NT5DC1: variants seen among roughly 807,000 people sequenced by gnomAD.
NT5DC1 encodes the protein 5'-nucleotidase domain-containing protein 1.
In NT5DC1, 42 loss-of-function variants were observed where a neutral mutation model predicts 59.4. The ratio of observed to expected loss-of-function variants is 0.71; its 90% CI spans 0.55 to 0.92. The LOEUF (loss-of-function observed/expected upper bound fraction) is 0.92. NT5DC1 is among the 40% of genes least tolerant of loss of function. NT5DC1 has a pLI of 0.00. For synonymous variants in NT5DC1, 172 were observed against 188.1 expected, an observed-to-expected ratio of 0.91 and a Z score of 0.70; for missense variants, 501 against 537.1, an observed-to-expected ratio of 0.93 and a Z score of 0.66.
At chr6:116,124,164 T>C (rs1455796878) in intron 6 of NT5DC1, among the ~76,000 whole-genome samples, 1 of 152,160 alleles carries the variant, frequency 6.6e-6, no homozygotes, top group African/African-American at 2.4e-5. Flanking sequence ...TATTTTAAAT[T>C]CCATCTTTCT....
At chr6:116,114,531 G>C (rs1037782835) in intron 4 of NT5DC1, among the ~76,000 whole-genome samples, 3 of 93,214 alleles carry the variant, frequency 3.2e-5, no homozygotes, top group Non-Finnish European at 6.7e-5. Context: ...TTGCAAATTG[G>C]GGGGAGGGGG....
At chr6:116,130,195 G>A (rs2114327112) in intron 6 of NT5DC1, among the ~76,000 whole-genome samples, 1 of 152,264 alleles carries the variant, frequency 6.6e-6, no homozygotes, top group Non-Finnish European at 1.5e-5. Flanking sequence ...AGTACAGTGT[G>A]TATAGAAAAA....
intron 6 of NT5DC1, among the ~76,000 whole-genome samples, chr6:116,205,663 G>A (rs1005492256): frequency 3.3e-5 from 5 of 151,914 alleles, no homozygotes; most frequent in African/African-American, 1.2e-4. Flanking sequence ...AGCTGTTTGT[G>A]TAGTTTCCGT....
chr6:116,112,102 C>T (rs476330), intron 4 of NT5DC1, among the ~76,000 whole-genome samples: 83,006 of 152,034 alleles, frequency 0.55, 23,604 homozygotes, highest in East Asian at 0.77. Context: ...CCCACTGTTT[C>T]GCCCACTAGA....
chr6:116,186,161 G>C (rs758165724), intron 6 of NT5DC1, among the ~76,000 whole-genome samples: 14 of 151,794 alleles, frequency 9.2e-5, no homozygotes, highest in Non-Finnish European at 1.9e-4. Context: ...ATTCTTATAT[G>C]ATAATTATTT....
intron 6 of NT5DC1, chr6:116,158,595 A>G (rs1467186579): frequency 6.6e-6 from 1 of 152,132 alleles, no homozygotes; most frequent in Non-Finnish European, 1.5e-5. Flanking sequence ...CTATTGTCAC[A>G]CGTTTGAATT....
intron 6 of NT5DC1, chr6:116,125,297 C>T (rs770693989): frequency 1.2e-6 from 2 of 1,600,398 alleles, no homozygotes; most frequent in Admixed American, 3.4e-5. Context: ...TAGAAAGCAA[C>T]AAGCAACTTG....
At chr6:116,213,333 C>A (rs1781620077) in intron 6 of NT5DC1, among the ~76,000 whole-genome samples, 1 of 152,062 alleles carries the variant, frequency 6.6e-6, no homozygotes, top group Non-Finnish European at 1.5e-5. Context: ...GGAGCACCTA[C>A]AACACAAATT....
At chr6:116,171,209 T>C (rs1478061222) in intron 6 of NT5DC1, among the ~76,000 whole-genome samples, 2 of 152,224 alleles carry the variant, frequency 1.3e-5, no homozygotes, top group Non-Finnish European at 2.9e-5. Context: ...CACTACCTTT[T>C]ACATATTTTA....
intron 6 of NT5DC1, among the ~76,000 whole-genome samples, chr6:116,143,435 A>G (rs962482498): frequency 6.6e-6 from 1 of 151,990 alleles, no homozygotes; most frequent in African/African-American, 2.4e-5. Flanking sequence ...GATGGTCTTG[A>G]TCTCTTAACC....
At chr6:116,189,844 A>G (rs77499232) in intron 6 of NT5DC1, among the ~76,000 whole-genome samples, 2,018 of 152,140 alleles carry the variant, frequency 0.013, 40 homozygotes, top group African/African-American at 0.044. Context: ...GTTACAGCTA[A>G]ATGCTTCCGT....
chr6:116,126,579 A>G (rs1157907681), intron 6 of NT5DC1, among the ~76,000 whole-genome samples: 1 of 152,176 alleles, frequency 6.6e-6, no homozygotes, highest in African/African-American at 2.4e-5. Flanking sequence ...AAAGTTATCA[A>G]TGTGTCTATT....
chr6:116,170,322 A>G (rs1780576899), intron 6 of NT5DC1, among the ~76,000 whole-genome samples: 1 of 152,112 alleles, frequency 6.6e-6, no homozygotes, highest in Non-Finnish European at 1.5e-5. Context: ...TTTTAATTCA[A>G]AAGAAAGGGT....
chr6:116,159,836 T>C (rs1329324644), intron 6 of NT5DC1, among the ~76,000 whole-genome samples: 4 of 152,116 alleles, frequency 2.6e-5, no homozygotes, highest in East Asian at 3.9e-4. Context: ...TGTCCATGTG[T>C]ACTTCACTTA....
intron 8 of NT5DC1, among the ~76,000 whole-genome samples, chr6:116,224,875 G>A (rs1781877263): frequency 6.6e-6 from 1 of 152,172 alleles, no homozygotes; most frequent in Non-Finnish European, 1.5e-5. Context: ...GGGGAAGGAT[G>A]GGAAGAAGAA....
intron 8 of NT5DC1, among the ~76,000 whole-genome samples, chr6:116,233,429 A>G (rs1465445878): frequency 6.6e-6 from 1 of 152,186 alleles, no homozygotes; most frequent in South Asian, 2.1e-4. Flanking sequence ...TAAAGATGCC[A>G]TAGGAGGTTG....
intron 11 of NT5DC1, among the ~76,000 whole-genome samples, chr6:116,239,708 A>G (rs1204818): frequency 0.32 from 49,364 of 152,118 alleles, 9,756 homozygotes; most frequent in African/African-American, 0.55. Context: ...GTGCCCCTGC[A>G]CACCTGGTAG....
In NT5DC1 at chr6:116,238,971, C is replaced by CT. The variant is rs1562177817; in HGVS notation, c.1103dup (p.Leu368PhefsTer6). ...TTGTTTCAGGGACCAAAAGCAAAAC[C>CT]TTTAAATACTTCATCTAAAAAATGG... On this transcript the variant is annotated frameshift_variant, in exon 11 of 12. Coordinates refer to ENST00000319550, the MANE Select transcript of NT5DC1 (RefSeq NM_152729.3). LOFTEE classifies it high-confidence loss of function. The CT allele has an allele frequency of 8.7e-6, 14 of 1,601,920 alleles. No individual in the cohort carries two copies. Among genetic ancestry groups the CT allele is most frequent in the Non-Finnish European group, 1.1e-5 (13 of 1,169,766 alleles).
Position 116,121,051 on chromosome 6 carries a change from A to G in NT5DC1, c.529+3106A>G, listed in dbSNP as rs1165731764. ...TCTCACCTTTAGGGCCTGGGAGACCATGGCTACCCGGGATGCCTTTTGGTC... is the reference window on the plus strand; with the variant it reads ...TCTCACCTTTAGGGCCTGGGAGACCGTGGCTACCCGGGATGCCTTTTGGTC... On this transcript the variant is annotated intron_variant, in intron 6 of 11. Transcript: ENST00000319550. The G allele has an allele frequency of 1.2e-6, 2 of 1,613,946 alleles. No homozygotes were observed. The highest frequency in any genetic ancestry group is 1.7e-5 in the Admixed American group (1 of 60,026).
Sources: allele counts gnomAD v4.1 joint callset (sites outside exome capture counted in the v4.1 genomes callset), GRCh38; gene constraint gnomAD v4.1.1; transcripts MANE v1.5; gene names NCBI Gene and HGNC (gene_info 2026-07-23, HGNC 2026-07-21).